KIF26B: variants seen among roughly 807,000 people sequenced by gnomAD.
The protein encoded by KIF26B is kinesin-like protein KIF26B.
Under a neutral mutation model 151.2 loss-of-function variants are expected in KIF26B, and 63 were observed. The ratio of observed to expected loss-of-function variants is 0.42; its 90% CI spans 0.34 to 0.51. The LOEUF is 0.51. Among genes scored for constraint, KIF26B ranks in the 20% least tolerant of loss-of-function variants. The pLI, the probability that KIF26B is intolerant of heterozygous loss-of-function variation, is 0.07. For missense variants in KIF26B, 2,813 were observed against 2,913.6 expected, an observed-to-expected ratio of 0.97 and a Z score of 0.79; for synonymous variants, 1,357 against 1,262.1, an observed-to-expected ratio of 1.08 and a Z score of -1.59.
In KIF26B at chr1:245,686,542, G is replaced by C; in HGVS notation, c.3559G>C (p.Glu1187Gln). 1.9e-6 allele frequency: 3 copies of C among 1,613,122 alleles called. No individual in the cohort carries two copies. The highest frequency in any genetic ancestry group is 1.6e-4 in the Middle Eastern group (1 of 6,062). Reference protein sequence around the residue: ...QQPLELNGEDELVFTLVEELT... With the variant: ...QQPLELNGEDQLVFTLVEELT... Reference sequence around the variant, plus strand: ...GCCACTGGAGCTGAACGGTGAGGACGAGCTGGTGTTCACGCTGGTGGAGGA... The same window carrying C: ...GCCACTGGAGCTGAACGGTGAGGACCAGCTGGTGTTCACGCTGGTGGAGGA... Residue 1187 changes from glutamate to glutamine, a missense_variant, in exon 12 of 15, where the codon GAG becomes CAG. By Grantham distance (29) the Glu-to-Gln change is conservative (BLOSUM62 2). Coordinates refer to ENST00000407071, the MANE Select transcript of KIF26B (RefSeq NM_018012.4). This position sits in a 1 kb window ranked among gnomAD's most constrained non-coding sequence, Gnocchi z 5.6.
chr1:245,525,578 T>C (rs1334928350), intron 4 of KIF26B, among the ~76,000 whole-genome samples: 5 of 152,250 alleles, frequency 3.3e-5, no homozygotes, highest in Non-Finnish European at 5.9e-5. Context: ...AGCCTAGCTG[T>C]TGTGTAAACG....
intron 3 of KIF26B, among the ~76,000 whole-genome samples, chr1:245,389,492 GA>G (rs1469719846): frequency 3.9e-5 from 6 of 152,098 alleles, no homozygotes; most frequent in African/African-American, 1.4e-4. Flanking sequence ...GAACTGGAAT[GA>G]GTTAAATTTT....
chr1:245,685,791 C>T lies in KIF26B; in HGVS notation c.2808C>T (p.Ile936=), dbSNP rs745847923. The T allele has an allele frequency of 3.1e-6, 5 of 1,609,852 alleles. No homozygotes were observed. The highest frequency in any genetic ancestry group is 1.6e-4 in the Middle Eastern group (1 of 6,074). The change falls in exon 12 of 15, where the codon ATC becomes ATT. Residue 936 remains isoleucine, a synonymous_variant. Transcript: ENST00000407071. ...FAELQERLDC[I]DGSEEPSSFP... is the part of the protein sequence containing the mutation. ...AGCTGCAGGAGAGGCTGGACTGCATCGACGGCAGCGAGGAGCCCAGCAGCT... is the reference window on the plus strand; with the variant it reads ...AGCTGCAGGAGAGGCTGGACTGCATTGACGGCAGCGAGGAGCCCAGCAGCT...
intron 10 of KIF26B, among the ~76,000 whole-genome samples, chr1:245,657,447 C>T (rs984375547): frequency 3.9e-5 from 6 of 152,160 alleles, no homozygotes; most frequent in Non-Finnish European, 8.8e-5. Flanking sequence ...TTGGTGAAGA[C>T]GGGATTTTTG....
Position 245,427,341 on chromosome 1 carries a change from C to T in KIF26B, c.1166+7596C>T, listed in dbSNP as rs544046543. Among the ~76,000 whole-genome samples the T allele has an allele frequency of 3.9e-5, 6 of 152,310 alleles. 1 individual carries two copies. The South Asian group carries it at 1.2e-3, about 32-fold the overall frequency. On this transcript the variant is annotated intron_variant, in intron 4 of 14. Transcript: ENST00000407071. The stretch of plus-strand genomic sequence containing the variant: ...AAAACAAACAGGCCAGGCGTGGTGG[C>T]TCACACCTGTAATCCCAGCACTTCG...
intron 5 of KIF26B, among the ~76,000 whole-genome samples, chr1:245,559,263 G>T (rs900909472): frequency 1.3e-5 from 2 of 152,146 alleles, no homozygotes; most frequent in African/African-American, 4.8e-5. Flanking sequence ...ACTTGAGCCC[G>T]GGAAGTCTAA....
intron 2 of KIF26B, among the ~76,000 whole-genome samples, chr1:245,178,407 T>C (rs975578613): frequency 6.6e-6 from 1 of 152,206 alleles, no homozygotes; most frequent in African/African-American, 2.4e-5. Context: ...TCTTGAGCTG[T>C]CTCTTCAGTC....
intron 4 of KIF26B, among the ~76,000 whole-genome samples, chr1:245,467,483 G>A (rs1470863987): frequency 4.6e-5 from 7 of 152,218 alleles, no homozygotes; most frequent in African/African-American, 1.7e-4. Flanking sequence ...TGGAGTGACT[G>A]CAAACAAAAA....
chr1:245,397,201 TTC>T (rs1673868348), intron 3 of KIF26B, among the ~76,000 whole-genome samples: 2 of 131,070 alleles, frequency 1.5e-5, no homozygotes, highest in Admixed American at 8.3e-5. Context: ...TGATCCTGTT[TTC>T]CACATGTTCA....
chr1:245,635,794 A>C (rs111262932), intron 9 of KIF26B, among the ~76,000 whole-genome samples: 7 of 152,256 alleles, frequency 4.6e-5, no homozygotes, highest in African/African-American at 1.7e-4. Flanking sequence ...GTACATCTTC[A>C]GGGTTATTCA....
At position 245,688,129 on chromosome 1, in the gene KIF26B, A is replaced by ACCTCGCCCCCCAGCTCCGGGG. The variant is rs748204245; in HGVS notation, c.5155_5175dup (p.Pro1719_Pro1725dup). On this transcript the variant is annotated inframe_insertion, in exon 12 of 15. Transcript: ENST00000407071. The stretch of plus-strand genomic sequence containing the variant: ...GAGGAGCCTGGGCCGCAGCGCCGGG[A>ACCTCGCCCCCCAGCTCCGGGG]CCTCGCCCCCCAGCTCCGGGGCCTC... The ACCTCGCCCCCCAGCTCCGGGG allele has an allele frequency of 2.5e-4, 402 of 1,582,790 alleles. No individual in the cohort carries two copies. The African/African-American group carries it at 4.4e-3, about 17-fold the overall frequency.
chr1:245,495,701 A>C lies in KIF26B; in HGVS notation c.1167-45066A>C, dbSNP rs71636564. Among the ~76,000 whole-genome samples the C allele has an allele frequency of 0.033, 5,035 of 152,250 alleles. 133 individuals are homozygous for C. Among genetic ancestry groups the C allele is most frequent in the Non-Finnish European group, 0.05 (3,378 of 68,012 alleles). ...CTCTAACACCTAAAATTCTACTTCA[A>C]AATGTGATTTAAGAAGCCCTGGCTT... is the stretch of plus-strand genomic sequence containing the variant. On this transcript the variant is annotated intron_variant, in intron 4 of 14. Transcript: ENST00000407071. This position sits in a 1 kb window ranked among gnomAD's most constrained non-coding sequence, Gnocchi z 4.2.
intron 2 of KIF26B, among the ~76,000 whole-genome samples, chr1:245,197,357 C>T (rs1047684601): frequency 2.0e-5 from 3 of 152,156 alleles, no homozygotes; most frequent in African/African-American, 7.2e-5. Context: ...GATTAATCAG[C>T]CAGGAAGATC....
intron 4 of KIF26B, among the ~76,000 whole-genome samples, chr1:245,451,335 C>T (rs1475286698): frequency 2.0e-5 from 3 of 151,830 alleles, no homozygotes; most frequent in Non-Finnish European, 4.4e-5. Context: ...TGTAGTTCTC[C>T]CTTTACCCAA....
intron 10 of KIF26B, among the ~76,000 whole-genome samples, chr1:245,656,180 C>T (rs1045137901): frequency 3.3e-5 from 5 of 152,120 alleles, no homozygotes; most frequent in Non-Finnish European, 4.4e-5. Flanking sequence ...CACTGAGCAC[C>T]GAGTAACTGA....
chr1:245,451,748 C>T (rs181557178), intron 4 of KIF26B, among the ~76,000 whole-genome samples: 4 of 151,696 alleles, frequency 2.6e-5, no homozygotes, highest in East Asian at 3.9e-4. Flanking sequence ...TACAGGCACC[C>T]GCCATCATGA....
intron 5 of KIF26B, among the ~76,000 whole-genome samples, chr1:245,576,527 A>G (rs1203714772): frequency 1.3e-5 from 2 of 152,120 alleles, no homozygotes; most frequent in Admixed American, 6.6e-5. Context: ...ACAGCAGGAG[A>G]TGATTGTCAC....
intron 2 of KIF26B, among the ~76,000 whole-genome samples, chr1:245,337,967 A>G (rs1672268105): frequency 6.6e-6 from 1 of 152,240 alleles, no homozygotes; most frequent in South Asian, 2.1e-4. Context: ...CAAAACCAAC[A>G]AAGCGACAGC....
At chr1:245,456,494 C>T (rs982036795) in intron 4 of KIF26B, among the ~76,000 whole-genome samples, 10 of 152,188 alleles carry the variant, frequency 6.6e-5, no homozygotes, top group Admixed American at 1.3e-4. Context: ...GCGATCTTTG[C>T]GTATTTGATA....
Sources: gnomAD v4.1 joint callset for allele counts (sites outside exome capture counted in the v4.1 genomes callset) on GRCh38, gnomAD v4.1.1 for gene constraint, Gnocchi (gnomAD v3.1) non-coding constraint, MANE v1.5 for transcripts, NCBI Gene and HGNC (gene_info 2026-07-23, HGNC 2026-07-21) for gene names.